HDAC9: variants seen among roughly 807,000 people sequenced by gnomAD.
HDAC9 encodes the protein histone deacetylase 9, also known as MEF-2 interacting transcription repressor (MITR) protein.
Under a neutral mutation model 139.4 loss-of-function variants are expected in HDAC9, and 41 were observed. The ratio of observed to expected loss-of-function variants is 0.29; its 90% CI spans 0.23 to 0.38. The LOEUF (loss-of-function observed/expected upper bound fraction) is 0.38. HDAC9 is among the 10% of genes least tolerant of loss of function. The pLI, the probability that HDAC9 is intolerant of heterozygous loss-of-function variation, is 1.00. For missense variants in HDAC9, 1,147 were observed against 1,297.0 expected (o/e 0.88, Z 1.78); for synonymous variants, 517 against 476.2 (o/e 1.09, Z -1.12).
At chr7:18,453,897 A>G (rs2128104811) in intron 1 of HDAC9, among the ~76,000 whole-genome samples, 1 of 152,268 alleles carries the variant, frequency 6.6e-6, no homozygotes, top group South Asian at 2.1e-4. Flanking sequence ...ACAAAAGGGA[A>G]GGGACTCAGG....
intron 1 of HDAC9, among the ~76,000 whole-genome samples, chr7:18,363,827 A>G (rs1376878711): frequency 1.3e-5 from 2 of 152,026 alleles, no homozygotes; most frequent in African/African-American, 2.4e-5. Flanking sequence ...AGGGCATCTC[A>G]TTGTATTATT....
chr7:18,492,384 C>CT (rs569312053), upstream of HDAC9, among the ~76,000 whole-genome samples: 12 of 150,766 alleles, frequency 8.0e-5, no homozygotes, highest in African/African-American at 2.7e-4. Flanking sequence ...TTTTTTAATA[C>CT]TTTTTTTTTG....
At chr7:18,548,684 TAAAC>T (rs1816046786) in intron 2 of HDAC9, among the ~76,000 whole-genome samples, 4 of 151,998 alleles carry the variant, frequency 2.6e-5, no homozygotes, top group South Asian at 4.2e-4. Context: ...AACAGTAAAA[TAAAC>T]AACCAGAGCA....
At chr7:18,733,176 T>C (rs1018710106) in intron 13 of HDAC9, among the ~76,000 whole-genome samples, 2 of 147,838 alleles carry the variant, frequency 1.4e-5, no homozygotes, top group Non-Finnish European at 3.0e-5. Context: ...CACATGTATA[T>C]ATGTGTCTAT....
intron 13 of HDAC9, among the ~76,000 whole-genome samples, chr7:18,735,119 C>A (rs1321928086): frequency 6.6e-6 from 1 of 152,014 alleles, no homozygotes; most frequent in Non-Finnish European, 1.5e-5. Flanking sequence ...TTGAGTTATT[C>A]ATAGATTCTG....
At chr7:18,750,205 T>G (rs1194593102) in intron 14 of HDAC9, among the ~76,000 whole-genome samples, 2 of 152,226 alleles carry the variant, frequency 1.3e-5, no homozygotes, top group Non-Finnish European at 2.9e-5. Flanking sequence ...AATAATTGAC[T>G]TTTGAAGATG....
At chr7:18,728,396 G>A (rs1173269647) in intron 13 of HDAC9, among the ~76,000 whole-genome samples, 1 of 132,170 alleles carries the variant, frequency 7.6e-6, no homozygotes, top group East Asian at 2.2e-4. Flanking sequence ...GGAAGGTTAA[G>A]TGTGGAACAC....
At chr7:18,168,036 A>G (rs1431704150) in intron 2 of HDAC9, among the ~76,000 whole-genome samples, 1 of 152,228 alleles carries the variant, frequency 6.6e-6, no homozygotes, top group Non-Finnish European at 1.5e-5. Context: ...AGAGTTGCCT[A>G]AGCCTTTGTT....
At chr7:18,354,097 A>G (rs141049506) in intron 1 of HDAC9, among the ~76,000 whole-genome samples, 8 of 152,306 alleles carry the variant, frequency 5.3e-5, no homozygotes, top group African/African-American at 1.9e-4. Flanking sequence ...AAGAAAATTT[A>G]AAAGAAATTT....
intron 2 of HDAC9, among the ~76,000 whole-genome samples, chr7:18,514,327 A>C (rs947957208): frequency 7.9e-5 from 12 of 152,222 alleles, no homozygotes; most frequent in Non-Finnish European, 1.8e-4. Context: ...CATCTTAGTA[A>C]TGAAGATTAT....
intron 22 of HDAC9, among the ~76,000 whole-genome samples, chr7:18,901,219 TATACACAC>T (rs1347789668): frequency 2.3e-5 from 3 of 130,882 alleles, no homozygotes; most frequent in Non-Finnish European, 4.9e-5. Context: ...TATATATATA[TATACACAC>T]ACACACACAC....
rs1788195094 is a variant in HDAC9, at chr7:18,648,591, C to G, written c.1375C>G (p.Gln459Glu). 1 of 1,613,486 alleles carries G rather than the reference C, an allele frequency of 6.2e-7. No individual in the cohort carries two copies. The highest frequency in any genetic ancestry group is 1.3e-5 in the African/African-American group (1 of 74,884). The change falls in exon 11 of 26, where the codon CAG becomes GAG. Residue 459 changes from glutamine (Q) to glutamate (E), a missense_variant. Around this residue, in one of 7 missense-constraint regions of HDAC9, gnomAD observed 4 missense variants for 16.9 expected, o/e 0.24. Coordinates refer to ENST00000686413, the MANE Select transcript of HDAC9 (RefSeq NM_178425.4). Reference sequence around the variant, plus strand: ...CCGAACCCAGTCTGCACCTTTGCCTCAGAGCACGTTGGCTCAGCTGGTCAT... The same window carrying G: ...CCGAACCCAGTCTGCACCTTTGCCTGAGAGCACGTTGGCTCAGCTGGTCAT... ...LNRTQSAPLP[Q>E]STLAQLVIQQ...
At position 18,929,153 on chromosome 7, in the gene HDAC9, G is replaced by C. The variant is rs969945804; in HGVS notation, c.2804-6656G>C. Among the ~76,000 whole-genome samples, 6 of 151,890 alleles carry C rather than the reference G, an allele frequency of 4.0e-5. No homozygotes were observed. In the South Asian group the frequency reaches 6.2e-4, roughly 16 times the overall value. On this transcript the variant is annotated intron_variant, in intron 22 of 25. Coordinates refer to ENST00000686413, the MANE Select transcript of HDAC9 (RefSeq NM_178425.4). Reference sequence around the variant, plus strand: ...AATACGTATATAAGGCTTAATCTTTGAGCCTTCTTAGAGCAACTTTTCATT... The same window carrying C: ...AATACGTATATAAGGCTTAATCTTTCAGCCTTCTTAGAGCAACTTTTCATT...
chr7:18,305,286 C>T (rs935107404), intron 1 of HDAC9, among the ~76,000 whole-genome samples: 3 of 152,206 alleles, frequency 2.0e-5, no homozygotes, highest in African/African-American at 7.2e-5. Context: ...CCAACCAGTG[C>T]ATGTAGATAT....
At chr7:18,214,493 A>C (rs941284444) in intron 2 of HDAC9, among the ~76,000 whole-genome samples, 1 of 152,124 alleles carries the variant, frequency 6.6e-6, no homozygotes, top group East Asian at 1.9e-4. Flanking sequence ...TGTTAGATGA[A>C]TTATAACTGA....
chr7:18,492,943 A>C (rs1796475487), upstream of HDAC9, among the ~76,000 whole-genome samples: 1 of 151,948 alleles, frequency 6.6e-6, no homozygotes. Context: ...CATTATCAAG[A>C]GTTAAATAAA....
At chr7:18,302,869 ATCT>A (rs1375744187) in intron 1 of HDAC9, among the ~76,000 whole-genome samples, 1 of 152,148 alleles carries the variant, frequency 6.6e-6, no homozygotes, top group Non-Finnish European at 1.5e-5. Flanking sequence ...TATTTCTGTG[ATCT>A]TCTTTTTCCA....
intron 2 of HDAC9, among the ~76,000 whole-genome samples, chr7:18,575,314 A>G (rs557846815): frequency 6.6e-6 from 1 of 152,166 alleles, no homozygotes; most frequent in Non-Finnish European, 1.5e-5. Flanking sequence ...ACATTTATTA[A>G]TTTAATTTTT....
chr7:18,299,945 G>C (rs1205993145), intron 1 of HDAC9, among the ~76,000 whole-genome samples: 1 of 152,162 alleles, frequency 6.6e-6, no homozygotes, highest in Non-Finnish European at 1.5e-5. Flanking sequence ...TGACAAGCAA[G>C]ATATTCTTTA....
Sources: allele counts gnomAD v4.1 joint callset (sites outside exome capture counted in the v4.1 genomes callset), GRCh38; gene constraint gnomAD v4.1.1; regional missense constraint gnomAD v4.1.1; transcripts MANE v1.5; gene names NCBI Gene and HGNC (gene_info 2026-07-23, HGNC 2026-07-21).